Variants in TTBK1 observed in about 807,000 individuals in gnomAD.
TTBK1 encodes tau-tubulin kinase 1.
A neutral mutation model predicts 108.5 loss-of-function variants in TTBK1; 34 were observed. The ratio of observed to expected loss-of-function variants is 0.31; its 90% CI spans 0.24 to 0.42. TTBK1 has a LOEUF of 0.42. Among genes scored for constraint, TTBK1 ranks in the 10% least tolerant of loss-of-function variants. The pLI, the probability that TTBK1 is intolerant of heterozygous loss-of-function variation, is 1.00. For missense variants in TTBK1, 1,539 were observed against 1,826.0 expected (o/e 0.84, Z 2.86); for synonymous variants, 809 against 795.1 (o/e 1.02, Z -0.29).
Position 43,246,767 on chromosome 6 carries a change from T to C in TTBK1, c.107T>C (p.Val36Ala). 6.2e-7 allele frequency: 1 copy of C among 1,607,710 alleles called. No individual in the cohort carries two copies. Among genetic ancestry groups the C allele is most frequent in the Non-Finnish European group, 8.5e-7 (1 of 1,176,784 alleles). ...TACGTGGTCAAGGATCGCTGGAAGGTGGTGAGTGAGTGACCCGGCGGGACA... is the reference window on the plus strand; with the variant it reads ...TACGTGGTCAAGGATCGCTGGAAGGCGGTGAGTGAGTGACCCGGCGGGACA... ...ANYVVKDRWK[V>A]LKKIGGGGFG... The change falls in exon 2 of 15, where the codon GTG becomes GCG. Residue 36 changes from valine (V) to alanine (A), a missense_variant and splice_region_variant. This residue lies in a region of TTBK1 where 155 missense variants were observed against 348.5 expected (regional missense o/e 0.44). Transcript: ENST00000259750.
chr6:43,283,055 C>T lies in TTBK1; in HGVS notation c.2315C>T (p.Ala772Val). ...EEEEEEEEEE[A>V]AAAVALGEVL... ...GAGGAGGAGGAAGAGGAGGAGGAGG[C>T]TGCAGCGGCAGTTGCCTTGGGGGAG... The change falls in exon 14 of 15, where the codon GCT becomes GTT. Residue 772 changes from alanine (A) to valine (V), a missense_variant. Ala to Val is a moderately conservative substitution (Grantham distance 64). Transcript: ENST00000259750. The surrounding 1 kb of genome is among the most constrained non-coding windows in gnomAD (Gnocchi z 8.1). The T allele has an allele frequency of 6.3e-7, 1 of 1,588,566 alleles. No homozygotes were observed. The highest frequency in any genetic ancestry group is 1.8e-4 in the Middle Eastern group (1 of 5,602).
chr6:43,270,833 T>C (rs1351514212), intron 13 of TTBK1: 2 of 985,466 alleles, frequency 2.0e-6, no homozygotes, highest in Middle Eastern at 5.2e-4. Context: ...TGAGAAACCA[T>C]GTGCTTGTCA....
chr6:43,272,634 TTAA>T lies in TTBK1; in HGVS notation c.1986+9290_1986+9292del, dbSNP rs1429922176. 8 of 985,302 alleles carry T rather than the reference TTAA, an allele frequency of 8.1e-6. No individual in the cohort carries two copies. In the African/African-American group the frequency reaches 1.4e-4, roughly 17 times the overall value. 61.0% of individuals were successfully genotyped at this position (985,302 alleles called of 1,614,324 possible). A position where few individuals can be genotyped will look rare whatever the true frequency, so the allele number is the denominator to read the frequency against. Reference sequence around the variant, plus strand: ...TAAAGCTCTGAGCTAACAGGTGATCTTAATAATATTATCTTTTCGGGGTGGCTT... The same window carrying T: ...TAAAGCTCTGAGCTAACAGGTGATCTTAATATTATCTTTTCGGGGTGGCTT... On this transcript the variant is annotated intron_variant, in intron 13 of 14. Coordinates refer to ENST00000259750, the MANE Select transcript of TTBK1 (RefSeq NM_032538.3).
rs1412440014 is a variant in TTBK1, at chr6:43,276,255, C to T, written c.1987-6472C>T. Among the ~76,000 whole-genome samples the T allele has an allele frequency of 1.3e-5, 2 of 152,180 alleles. No homozygotes were observed. Among genetic ancestry groups the T allele is most frequent in the Admixed American group, 1.3e-4 (2 of 15,286 alleles). The stretch of plus-strand genomic sequence containing the variant: ...GGCCAGCGGAAGCATGCACGAAAAA[C>T]TCAAAACCACACACACGCTCACACG... On this transcript the variant is annotated intron_variant, in intron 13 of 14. Coordinates refer to ENST00000259750, the MANE Select transcript of TTBK1 (RefSeq NM_032538.3). This position sits in a 1 kb window ranked among gnomAD's most constrained non-coding sequence, Gnocchi z 5.4.
At position 43,282,798 on chromosome 6, in the gene TTBK1, G is replaced by A. The variant is rs748496365; in HGVS notation, c.2058G>A (p.Gln686=). The change falls in exon 14 of 15, where the codon CAG becomes CAA. Residue 686 remains glutamine, a synonymous_variant. Transcript: ENST00000259750. This position sits in a 1 kb window ranked among gnomAD's most constrained non-coding sequence, Gnocchi z 5.4. ...CTGTGCCTCTGAGTCTGCCCTACCA[G>A]GACTTCAAAAGAGACCTCTCCGATT... The part of the protein sequence containing the change: ...PRAVPLSLPY[Q]DFKRDLSDYR... The A allele has an allele frequency of 3.1e-6, 5 of 1,613,944 alleles. No homozygotes were observed. The East Asian group carries it at 1.1e-4, about 36-fold the overall frequency.
In TTBK1 at chr6:43,257,732, A is replaced by G. The variant is rs1190690944; in HGVS notation, c.862-80A>G. 1.4e-6 allele frequency: 2 copies of G among 1,480,460 alleles called. No homozygotes were observed. The highest frequency in any genetic ancestry group is 1.8e-4 in the Middle Eastern group (1 of 5,656). 91.7% of individuals were successfully genotyped at this position (1,480,460 alleles called of 1,614,324 possible). On this transcript the variant is annotated intron_variant, in intron 9 of 14. Transcript: ENST00000259750. This position sits in a 1 kb window ranked among gnomAD's most constrained non-coding sequence, Gnocchi z 4.5. ...CCTGGAAAGTCCCTGTCTTCCTCCT[A>G]TGATCCCAGCAACTGCCCCTTCCTC...
intron 1 of TTBK1, among the ~76,000 whole-genome samples, chr6:43,244,580 G>A (rs962991559): frequency 3.9e-5 from 6 of 152,348 alleles, no homozygotes; most frequent in African/African-American, 1.4e-4. Context: ...GCTGAGCATA[G>A]TCCTCAGACA....
intron 1 of TTBK1, among the ~76,000 whole-genome samples, chr6:43,245,595 A>G: frequency 6.6e-6 from 1 of 152,178 alleles, no homozygotes; most frequent in East Asian, 1.9e-4. Flanking sequence ...ATGCACAGAT[A>G]CACACACAGA....
intron 13 of TTBK1, chr6:43,272,641 TA>T: frequency 1.0e-6 from 1 of 985,356 alleles, no homozygotes; most frequent in South Asian, 4.7e-5. Context: ...ATCTTAATAA[TA>T]TTATCTTTTC....
chr6:43,259,643 T>C lies in TTBK1; in HGVS notation c.1361T>C (p.Val454Ala), dbSNP rs766515768. 5 of 1,608,844 alleles carry C rather than the reference T, an allele frequency of 3.1e-6. No individual in the cohort carries two copies. In the East Asian group the frequency reaches 9.0e-5, roughly 29 times the overall value. Residue 454 changes from valine to alanine, a missense_variant, in exon 12 of 15, where the codon GTG (valine) becomes GCG (alanine). Physicochemically the swap from Val to Ala is moderately conservative, Grantham distance 64. Coordinates refer to ENST00000259750, the MANE Select transcript of TTBK1 (RefSeq NM_032538.3). This position sits in a 1 kb window ranked among gnomAD's most constrained non-coding sequence, Gnocchi z 6.7. ...TPVRSLRYRR[V>A]NSPESERLST... ...GTCCGTTCTCTGCGCTACCGGAGGGTGAACAGCCCTGAGTCAGAAAGGCTG... is the reference window on the plus strand; with the variant it reads ...GTCCGTTCTCTGCGCTACCGGAGGGCGAACAGCCCTGAGTCAGAAAGGCTG...
intron 1 of TTBK1, among the ~76,000 whole-genome samples, chr6:43,245,618 C>T (rs1248057496): frequency 6.6e-6 from 1 of 152,182 alleles, no homozygotes; most frequent in East Asian, 1.9e-4. Context: ...TACACACACG[C>T]ACACATGGGC....
At chr6:43,252,700 C>T (rs759459745) in intron 2 of TTBK1, 39 bp from the exon 3 acceptor site, 36 of 1,611,606 alleles carry the variant, frequency 2.2e-5, no homozygotes, top group Admixed American at 5.0e-5. Context: ...AGCTGTTCAG[C>T]CTGATCCCTG....
intron 2 of TTBK1, among the ~76,000 whole-genome samples, chr6:43,250,546 A>G (rs949196229): frequency 7.2e-5 from 11 of 151,778 alleles, no homozygotes; most frequent in African/African-American, 2.7e-4. Context: ...TTAAATAGAG[A>G]CAGGGTTTCG....
Position 43,253,064 on chromosome 6 carries a change from G to T in TTBK1, c.256+178G>T, listed in dbSNP as rs770552598. ...CCAGAGTCTAGGAGAGATGGGACCG[G>T]GGTCTAAGACAGTGATGGGGCAGGA... is the stretch of plus-strand genomic sequence containing the variant. On this transcript the variant is annotated intron_variant, in intron 3 of 14. Transcript: ENST00000259750. The surrounding 1 kb of genome is among the most constrained non-coding windows in gnomAD (Gnocchi z 5.8). Among the ~76,000 whole-genome samples, 1 of 152,232 alleles carries T rather than the reference G, an allele frequency of 6.6e-6. No individual in the cohort carries two copies. Among genetic ancestry groups the T allele is most frequent in the East Asian group, 1.9e-4 (1 of 5,182 alleles).
chr6:43,264,749 C>T (rs1291605193), intron 13 of TTBK1, among the ~76,000 whole-genome samples: 2 of 151,938 alleles, frequency 1.3e-5, no homozygotes, highest in Non-Finnish European at 2.9e-5. Context: ...ATGATCAGGG[C>T]GGGCTTCATG....
chr6:43,246,938 T>G (rs997939692), intron 2 of TTBK1, among the ~76,000 whole-genome samples, 170 bp downstream of exon 2: 3 of 152,072 alleles, frequency 2.0e-5, no homozygotes, highest in Non-Finnish European at 4.4e-5. Flanking sequence ...GTGTGGACAA[T>G]AGCTTTCTCC....
chr6:43,282,741 G>A lies in TTBK1; in HGVS notation c.2001G>A (p.Ala667=), dbSNP rs536324355. The change falls in exon 14 of 15, where the codon GCG becomes GCA. Residue 667 remains alanine (A), a synonymous_variant. Coordinates refer to ENST00000259750, the MANE Select transcript of TTBK1 (RefSeq NM_032538.3). The surrounding 1 kb of genome is among the most constrained non-coding windows in gnomAD (Gnocchi z 5.4). ...TGPQRQVFSV[A]PPFEVNGLPR... The stretch of plus-strand genomic sequence containing the variant: ...GCCCCTTGCAGGTGTTCTCCGTGGC[G>A]CCCCCATTTGAGGTGAATGGCCTCC... The A allele has an allele frequency of 1.2e-5, 19 of 1,604,426 alleles. No individual in the cohort carries two copies. Among genetic ancestry groups the A allele is most frequent in the South Asian group, 8.8e-5 (8 of 90,614 alleles).
Position 43,285,152 on chromosome 6 carries a change from T to G in TTBK1, c.3742T>G (p.Ser1248Ala). The change falls in exon 15 of 15, where the codon TCC (serine) becomes GCC (alanine). Residue 1248 changes from serine (S) to alanine (A), a missense_variant. This residue lies in a region of TTBK1 where 1,055 missense variants were observed against 1,086.5 expected (regional missense o/e 0.97). Coordinates refer to ENST00000259750, the MANE Select transcript of TTBK1 (RefSeq NM_032538.3). The surrounding 1 kb of genome is among the most constrained non-coding windows in gnomAD (Gnocchi z 4.7). ...ATCCGCCGCGCGCAATGCCAGCGCG[T>G]CCCCCCGGAGCCAGTCCCTGTCCCG... is the stretch of plus-strand genomic sequence containing the variant. ...STSAARNASA[S>A]PRSQSLSRRE... The G allele has an allele frequency of 7.0e-7, 1 of 1,424,984 alleles. No individual in the cohort carries two copies. The highest frequency in any genetic ancestry group is 9.1e-7 in the Non-Finnish European group (1 of 1,097,530). The allele number at this position is 1,424,984 out of a possible 1,614,324, so 88.3% of individuals were successfully genotyped here. A position where few individuals can be genotyped will look rare whatever the true frequency, so the allele number is the denominator to read the frequency against.
chr6:43,251,101 G>C (rs1777226326), intron 2 of TTBK1, among the ~76,000 whole-genome samples: 1 of 152,198 alleles, frequency 6.6e-6, no homozygotes, highest in Admixed American at 6.5e-5. Context: ...CCAGCATTCT[G>C]CTTCTTTTCC....
Sources: gnomAD v4.1 joint callset for allele counts (sites outside exome capture counted in the v4.1 genomes callset) on GRCh38, gnomAD v4.1.1 for gene constraint, gnomAD v4.1.1 regional missense constraint, Gnocchi (gnomAD v3.1) non-coding constraint, MANE v1.5 for transcripts, NCBI Gene and HGNC (gene_info 2026-07-23, HGNC 2026-07-21) for gene names.